Variants in NMNAT2 observed in about 807,000 individuals in gnomAD.
NMNAT2 encodes nicotinamide nucleotide adenylyltransferase 2, also known as nicotinamide/nicotinic acid mononucleotide adenylyltransferase 2.
Under a neutral mutation model 41.6 loss-of-function variants are expected in NMNAT2, and 11 were observed. That is an observed-to-expected ratio of 0.26 (90% CI 0.17 to 0.44). NMNAT2 has a LOEUF of 0.44. NMNAT2 is among the 20% of genes least tolerant of loss of function. NMNAT2 has a pLI of 1.00. For missense variants in NMNAT2, 288 were observed against 407.7 expected, an observed-to-expected ratio of 0.71 and a Z score of 2.53; for synonymous variants, 148 against 151.2, an observed-to-expected ratio of 0.98 and a Z score of 0.16.
At chr1:183,262,341 C>T (rs1278618390) in intron 8 of NMNAT2, among the ~76,000 whole-genome samples, 2 of 150,568 alleles carry the variant, frequency 1.3e-5, no homozygotes, top group Admixed American at 1.3e-4. Context: ...CACAATCATA[C>T]AATCCAGATA....
intron 1 of NMNAT2, among the ~76,000 whole-genome samples, chr1:183,406,612 A>C (rs181934054): frequency 1.6e-4 from 24 of 152,338 alleles, no homozygotes; most frequent in African/African-American, 5.8e-4. Context: ...TATCTGCACA[A>C]TTTTGAAATC....
intron 1 of NMNAT2, among the ~76,000 whole-genome samples, chr1:183,295,689 C>G (rs1661671113): frequency 6.6e-6 from 1 of 152,138 alleles, no homozygotes. Context: ...TTCCCAAACC[C>G]CTGGCAACCA....
rs189637774 is a variant in NMNAT2 at position 183,276,539 on chromosome 1, G to A, written c.651+2014C>T. Among the ~76,000 whole-genome samples, 285 of 152,260 alleles carry A rather than the reference G, an allele frequency of 1.9e-3. 1 individual carries two copies. The highest frequency in any genetic ancestry group is 3.0e-3 in the Non-Finnish European group (202 of 68,024). On this transcript the variant is annotated intron_variant, in intron 8 of 10. Coordinates refer to ENST00000287713, the MANE Select transcript of NMNAT2 (RefSeq NM_015039.4). ...AGGCCCCAAATTGTGTAAGTTTCACGCTCCAGGAAGCCTGGGTCTGCCCTT... is the reference window on the plus strand; with the variant it reads ...AGGCCCCAAATTGTGTAAGTTTCACACTCCAGGAAGCCTGGGTCTGCCCTT...
chr1:183,407,907 T>C (rs1212408074), intron 1 of NMNAT2, among the ~76,000 whole-genome samples: 1 of 152,242 alleles, frequency 6.6e-6, no homozygotes, highest in African/African-American at 2.4e-5. Flanking sequence ...CAACAGCAGA[T>C]AAATGTCCAA....
At chr1:183,288,833 T>C (rs1461946127) in intron 4 of NMNAT2, among the ~76,000 whole-genome samples, 1 of 152,230 alleles carries the variant, frequency 6.6e-6, no homozygotes, top group East Asian at 1.9e-4. Context: ...ATTACTGCTA[T>C]TGTGGAGACC....
At chr1:183,340,321 CTTTTTTTTT>C (rs34610627) in intron 1 of NMNAT2, among the ~76,000 whole-genome samples, 1 of 114,792 alleles carries the variant, frequency 8.7e-6, no homozygotes, top group South Asian at 3.0e-4. Context: ...CCTGGGTTAG[CTTTTTTTTT>C]TTTTTTTTTT....
At chr1:183,380,547 G>C (rs1468325179) in intron 1 of NMNAT2, among the ~76,000 whole-genome samples, 3 of 152,122 alleles carry the variant, frequency 2.0e-5, no homozygotes, top group Non-Finnish European at 4.4e-5. Flanking sequence ...CATTATCATA[G>C]AGACACAAAC....
intron 1 of NMNAT2, among the ~76,000 whole-genome samples, chr1:183,363,869 AG>A (rs1208430445): frequency 6.6e-6 from 1 of 152,162 alleles, no homozygotes; most frequent in Non-Finnish European, 1.5e-5. Flanking sequence ...GTAATGCACA[AG>A]GCCTGTCATT....
chr1:183,263,939 G>A (rs1660735155), intron 8 of NMNAT2, among the ~76,000 whole-genome samples: 1 of 152,164 alleles, frequency 6.6e-6, no homozygotes, highest in South Asian at 2.1e-4. Context: ...TCTAAGTACT[G>A]AATTAAAGCT....
chr1:183,273,953 C>T (rs1050669271), intron 8 of NMNAT2, among the ~76,000 whole-genome samples: 1 of 150,094 alleles, frequency 6.7e-6, no homozygotes, highest in South Asian at 2.1e-4. Context: ...AGTCTTGTCA[C>T]TCAGGCTAGA....
chr1:183,268,609 C>T (rs1660882684), intron 8 of NMNAT2, among the ~76,000 whole-genome samples: 1 of 152,198 alleles, frequency 6.6e-6, no homozygotes, highest in African/African-American at 2.4e-5. Context: ...CACCCTTTCA[C>T]TCAACAAACT....
chr1:183,333,773 G>A (rs534063852), intron 1 of NMNAT2, among the ~76,000 whole-genome samples: 1 of 152,238 alleles, frequency 6.6e-6, no homozygotes, highest in South Asian at 2.1e-4. Flanking sequence ...AGTCATTGCT[G>A]GATAAACCTG....
chr1:183,281,387 C>A (rs1459717084), intron 7 of NMNAT2, among the ~76,000 whole-genome samples: 1 of 152,064 alleles, frequency 6.6e-6, no homozygotes, highest in Non-Finnish European at 1.5e-5. Context: ...CAGGGAAGCC[C>A]CCCTCCCCAA....
intron 1 of NMNAT2, among the ~76,000 whole-genome samples, chr1:183,386,046 C>A (rs953117606): frequency 6.6e-6 from 1 of 152,068 alleles, no homozygotes; most frequent in African/African-American, 2.4e-5. Flanking sequence ...AAACTGAGAC[C>A]GGACGCTACT....
chr1:183,284,989 C>T (rs2102302925), intron 5 of NMNAT2, among the ~76,000 whole-genome samples, 199 bp from the exon 6 acceptor site: 1 of 152,292 alleles, frequency 6.6e-6, no homozygotes, highest in South Asian at 2.1e-4. Context: ...CACTCACAGT[C>T]TGAGGCACAC....
intron 1 of NMNAT2, among the ~76,000 whole-genome samples, chr1:183,389,063 G>A (rs1287238951): frequency 2.0e-5 from 3 of 152,254 alleles, no homozygotes; most frequent in Admixed American, 6.5e-5. Flanking sequence ...TCAGCCTTAC[G>A]CAGAGCACAG....
chr1:183,398,477 C>T (rs540648916), intron 1 of NMNAT2, among the ~76,000 whole-genome samples: 299 of 152,206 alleles, frequency 2.0e-3, no homozygotes, highest in African/African-American at 6.8e-3. Flanking sequence ...CTTTAACACC[C>T]CACTGTCAAC....
At chr1:183,264,125 A>G (rs959160852) in intron 8 of NMNAT2, among the ~76,000 whole-genome samples, 10 of 152,196 alleles carry the variant, frequency 6.6e-5, no homozygotes, top group Non-Finnish European at 1.3e-4. Flanking sequence ...TATAGATTGC[A>G]TAATGTAGGA....
chr1:183,409,606 T>G (rs1166830438), intron 1 of NMNAT2, among the ~76,000 whole-genome samples: 1 of 152,156 alleles, frequency 6.6e-6, no homozygotes, highest in Non-Finnish European at 1.5e-5. Flanking sequence ...TGTGAGCCAC[T>G]GTGCCCAGCC....
Sources: gnomAD v4.1 joint callset for allele counts (sites outside exome capture counted in the v4.1 genomes callset) on GRCh38, gnomAD v4.1.1 for gene constraint, MANE v1.5 for transcripts, NCBI Gene and HGNC (gene_info 2026-07-23, HGNC 2026-07-21) for gene names.